ITPR2: variants seen among roughly 807,000 people sequenced by gnomAD.
The protein encoded by ITPR2 is inositol 1,4,5-trisphosphate receptor type 2.
ITPR2 carries 207 observed loss-of-function variants against 317.1 expected under a neutral mutation model. The ratio of observed to expected loss-of-function variants is 0.65; its 90% CI spans 0.58 to 0.73. The LOEUF (loss-of-function observed/expected upper bound fraction) is 0.73. Ranked by LOEUF, ITPR2 falls within the 30% of genes least tolerant of loss-of-function variation. The probability of loss-of-function intolerance (pLI) is 0.00; values close to 1 mark genes in which losing one functional copy is unlikely to be tolerated. For synonymous variants in ITPR2, 1,156 were observed against 1,149.1 expected (o/e 1.01, Z -0.12); for missense variants, 2,613 against 3,284.0 (o/e 0.80, Z 4.99).
intron 41 of ITPR2, among the ~76,000 whole-genome samples, chr12:26,485,401 C>T (rs1942643092): frequency 6.6e-6 from 1 of 152,190 alleles, no homozygotes; most frequent in South Asian, 2.1e-4. Flanking sequence ...ACATCTATTT[C>T]CTACACTGCC....
chr12:26,817,702 T>A (rs907809742), intron 1 of ITPR2, among the ~76,000 whole-genome samples: 21 of 152,228 alleles, frequency 1.4e-4, no homozygotes, highest in African/African-American at 4.6e-4. Context: ...CCTAGTTTCA[T>A]CTTTTTAGAC....
At chr12:26,570,781 G>C (rs1173711495) in intron 34 of ITPR2, among the ~76,000 whole-genome samples, 1 of 152,056 alleles carries the variant, frequency 6.6e-6, no homozygotes, top group Non-Finnish European at 1.5e-5. Flanking sequence ...TCTACCATGT[G>C]CTATTTTACT....
intron 2 of ITPR2, among the ~76,000 whole-genome samples, chr12:26,780,082 G>A (rs1187657677): frequency 6.6e-6 from 1 of 152,170 alleles, no homozygotes; most frequent in Non-Finnish European, 1.5e-5. Flanking sequence ...CATCACCAAT[G>A]GGCCCATGAA....
chr12:26,418,634 A>T (rs1368670137), intron 50 of ITPR2, among the ~76,000 whole-genome samples: 1 of 152,166 alleles, frequency 6.6e-6, no homozygotes. Flanking sequence ...CTTATATGCT[A>T]TTCTAAAGGT....
intron 31 of ITPR2, among the ~76,000 whole-genome samples, 180 bp from the exon 32 acceptor site, chr12:26,595,770 GAAAAC>G (rs945882446): frequency 6.6e-6 from 1 of 152,134 alleles, no homozygotes; most frequent in Non-Finnish European, 1.5e-5. Flanking sequence ...ACCTAAGGGT[GAAAAC>G]ACGGGGCCTA....
At chr12:26,653,694 A>G (rs1204253038) in intron 21 of ITPR2, among the ~76,000 whole-genome samples, 1 of 152,206 alleles carries the variant, frequency 6.6e-6, no homozygotes, top group African/African-American at 2.4e-5. Context: ...AGATGTTTTC[A>G]TTTTTTAACA....
intron 40 of ITPR2, chr12:26,486,854 G>T (rs148862416): frequency 8.8e-6 from 6 of 679,124 alleles, no homozygotes; most frequent in Non-Finnish European, 1.6e-5. Context: ...CTTTCATGCC[G>T]TTGGTTGCTT....
At chr12:26,457,269 C>T (rs1436712414) in intron 45 of ITPR2, among the ~76,000 whole-genome samples, 1 of 152,160 alleles carries the variant, frequency 6.6e-6, no homozygotes, top group African/African-American at 2.4e-5. Context: ...GATTATGAAA[C>T]AGAAACTTAT....
At chr12:26,695,748 A>G (rs1948332608) in intron 9 of ITPR2, 98 bp from the exon 10 acceptor site, 1 of 742,702 alleles carries the variant, frequency 1.3e-6, no homozygotes, top group Non-Finnish European at 2.3e-6. Context: ...TCCTCAACTA[A>G]GTTTAATATA....
chr12:26,592,821 C>G (rs1945740441), intron 32 of ITPR2, among the ~76,000 whole-genome samples: 1 of 152,234 alleles, frequency 6.6e-6, no homozygotes, highest in Non-Finnish European at 1.5e-5. Flanking sequence ...TTCATGTCAA[C>G]TACTGTTGTG....
At chr12:26,673,581 C>A (rs1355543297) in intron 13 of ITPR2, among the ~76,000 whole-genome samples, 1 of 151,314 alleles carries the variant, frequency 6.6e-6, no homozygotes, top group African/African-American at 2.4e-5. Flanking sequence ...AACCCACAGC[C>A]AATGTCATAC....
intron 37 of ITPR2, among the ~76,000 whole-genome samples, chr12:26,516,940 G>C (rs536091835): frequency 6.6e-6 from 1 of 152,160 alleles, no homozygotes; most frequent in East Asian, 1.9e-4. Flanking sequence ...TTGGAGATCT[G>C]AAGAAGGAAA....
intron 26 of ITPR2, among the ~76,000 whole-genome samples, chr12:26,618,246 C>G (rs1946414002): frequency 6.6e-6 from 1 of 151,536 alleles, no homozygotes; most frequent in African/African-American, 2.4e-5. Flanking sequence ...ACTACAAACA[C>G]AGTAAAGCAA....
At chr12:26,356,438 C>A (rs17384843) in intron 55 of ITPR2, among the ~76,000 whole-genome samples, 9,432 of 152,288 alleles carry the variant, frequency 0.062, 414 homozygotes, top group Non-Finnish European at 0.094. Flanking sequence ...CGAAAGAATA[C>A]GGTATGCTCT....
At chr12:26,448,002 T>TAAAC (rs1941651786) in intron 45 of ITPR2, among the ~76,000 whole-genome samples, 1 of 147,584 alleles carries the variant, frequency 6.8e-6, no homozygotes, top group African/African-American at 2.5e-5. Flanking sequence ...GACTTTTTTT[T>TAAAC]AAAAAAAAAA....
rs1944125766 is a variant in ITPR2 at position 26,537,345 on chromosome 12, T to C, written c.5073+12902A>G. Among the ~76,000 whole-genome samples, 6 of 152,176 alleles carry C rather than the reference T, an allele frequency of 3.9e-5. No individual in the cohort carries two copies. In the South Asian group the frequency reaches 8.3e-4, roughly 21 times the overall value. ...CCAATTGTATATATGCTGCAGTCTA[T>C]TTGTTGAATGAATAAATGGCTGCAT... On this transcript the variant is annotated intron_variant, in intron 37 of 56. Coordinates refer to ENST00000381340, the MANE Select transcript of ITPR2 (RefSeq NM_002223.4).
chr12:26,639,100 T>C (rs767864489), intron 21 of ITPR2, among the ~76,000 whole-genome samples: 1 of 152,138 alleles, frequency 6.6e-6, no homozygotes, highest in African/African-American at 2.4e-5. Context: ...TAAGAGGAAC[T>C]GCTACAGGAA....
At chr12:26,800,923 G>A (rs927370496) in intron 1 of ITPR2, 4 of 162,938 alleles carry the variant, frequency 2.5e-5, no homozygotes, top group African/African-American at 4.8e-5. Context: ...CAGCTTCCTC[G>A]AAAGTCATGG....
At chr12:26,636,917 T>C (rs935229588) in intron 21 of ITPR2, among the ~76,000 whole-genome samples, 4 of 152,150 alleles carry the variant, frequency 2.6e-5, no homozygotes, top group Admixed American at 1.3e-4. Flanking sequence ...CCACACCAGG[T>C]TGGTTCACTA....
Sources: gnomAD v4.1 joint callset for allele counts (sites outside exome capture counted in the v4.1 genomes callset) on GRCh38, gnomAD v4.1.1 for gene constraint, MANE v1.5 for transcripts, NCBI Gene and HGNC (gene_info 2026-07-23, HGNC 2026-07-21) for gene names.